The following SLC25A12 variants were observed in gnomAD, a reference collection of about 807,000 sequenced individuals.
SLC25A12 encodes the protein electrogenic aspartate/glutamate antiporter SLC25A12, mitochondrial.
Under a neutral mutation model 83.3 loss-of-function variants are expected in SLC25A12, and 32 were observed. That is an observed-to-expected ratio of 0.38 (90% CI 0.29 to 0.52). The LOEUF is 0.52. SLC25A12 is among the 20% of genes least tolerant of loss of function. SLC25A12 has a pLI of 0.84. For synonymous variants in SLC25A12, 267 were observed against 291.1 expected, an observed-to-expected ratio of 0.92 and a Z score of 0.84; for missense variants, 611 against 835.6, an observed-to-expected ratio of 0.73 and a Z score of 3.31.
chr2:171,854,428 A>G (rs1032879098), intron 4 of SLC25A12, among the ~76,000 whole-genome samples: 1 of 152,062 alleles, frequency 6.6e-6, no homozygotes, highest in African/African-American at 2.4e-5. Flanking sequence ...TTAGCTGGGC[A>G]TGGTGGCGCA....
intron 6 of SLC25A12, 151 bp downstream of exon 6, chr2:171,836,970 A>G: frequency 2.8e-6 from 2 of 705,054 alleles, no homozygotes; most frequent in Non-Finnish European, 4.9e-6. Flanking sequence ...GCACACACAC[A>G]CACACACACA....
chr2:171,794,639 T>C (rs1350044114), intron 13 of SLC25A12, among the ~76,000 whole-genome samples: 1 of 151,824 alleles, frequency 6.6e-6, no homozygotes, highest in African/African-American at 2.4e-5. Context: ...TTTTTTTTGG[T>C]TTCTGTAAGA....
At chr2:171,817,601 A>AAAAAAAAAAC (rs1684081511) in intron 9 of SLC25A12, among the ~76,000 whole-genome samples, 1 of 21,626 alleles carries the variant, frequency 4.6e-5, no homozygotes, top group Non-Finnish European at 1.8e-4. Context: ...ACTCTGCCTC[A>AAAAAAAAAAC]AAAAAAAAAA....
At chr2:171,790,913 A>G (rs1683438268) in intron 15 of SLC25A12, among the ~76,000 whole-genome samples, 1 of 152,134 alleles carries the variant, frequency 6.6e-6, no homozygotes, top group Admixed American at 6.5e-5. Context: ...AAATACAAAA[A>G]TTGAGTTCAA....
intron 11 of SLC25A12, among the ~76,000 whole-genome samples, chr2:171,811,791 C>T (rs1683950047): frequency 6.6e-6 from 1 of 152,004 alleles, no homozygotes; most frequent in Admixed American, 6.5e-5. Flanking sequence ...CTTCTGTAAG[C>T]ATCTATCCAT....
chr2:171,787,182 G>T (rs902605759), intron 17 of SLC25A12, among the ~76,000 whole-genome samples: 9 of 152,032 alleles, frequency 5.9e-5, no homozygotes, highest in Non-Finnish European at 1.5e-5. Flanking sequence ...AAAATTAGCT[G>T]GGTGTGGTGG....
chr2:171,833,980 G>A lies in SLC25A12; in HGVS notation c.828C>T (p.Asp276=). 2 of 1,587,706 alleles carry A rather than the reference G, an allele frequency of 1.3e-6. No individual in the cohort carries two copies. Among genetic ancestry groups the A allele is most frequent in the Non-Finnish European group, 1.7e-6 (2 of 1,156,248 alleles). ...ATACTTACCCTGAAGCATTATATAA[G>A]TCTGCAAGCTGATATAGAATATCAA... ...LEIDILYQLA[D]LYNASGRLTL... Residue 276 remains aspartate (D), a synonymous_variant, in exon 8 of 18, where the codon GAC becomes GAT. Coordinates refer to ENST00000422440, the MANE Select transcript of SLC25A12 (RefSeq NM_003705.5).
intron 13 of SLC25A12, among the ~76,000 whole-genome samples, chr2:171,801,043 C>T (rs78013968): frequency 1.3e-5 from 2 of 152,168 alleles, no homozygotes; most frequent in African/African-American, 2.4e-5. Context: ...ACTGTCAAAA[C>T]TCATTGAGCT....
intron 1 of SLC25A12, among the ~76,000 whole-genome samples, 166 bp downstream of exon 1, chr2:171,894,037 C>A (rs1685998151): frequency 6.6e-6 from 1 of 152,170 alleles, no homozygotes. Context: ...GGCATCCCCT[C>A]CTCCGGTCCA....
In SLC25A12 at chr2:171,813,472, A is replaced by C; in HGVS notation, c.1038T>G (p.Pro346=). The C allele has an allele frequency of 6.2e-7, 1 of 1,614,090 alleles. No individual in the cohort carries two copies. The highest frequency in any genetic ancestry group is 8.5e-7 in the Non-Finnish European group (1 of 1,179,952). The change falls in exon 11 of 18, where the codon CCT becomes CCG. Residue 346 remains proline, a synonymous_variant. Transcript: ENST00000422440. Reference sequence around the variant, plus strand: ...GCATTCGGGTCTTCACCAGATCTATAGGATACACTGCAGTGGCTCCCACAG... The same window carrying C: ...GCATTCGGGTCTTCACCAGATCTATCGGATACACTGCAGTGGCTCCCACAG... The part of the protein sequence containing the change: ...AGAVGATAVY[P]IDLVKTRMQN...
chr2:171,819,143 A>T (rs1181871354), intron 9 of SLC25A12, among the ~76,000 whole-genome samples: 3 of 138,416 alleles, frequency 2.2e-5, no homozygotes, highest in South Asian at 2.1e-4. Context: ...ATTATATATA[A>T]ATATAAAATA....
intron 2 of SLC25A12, among the ~76,000 whole-genome samples, chr2:171,887,464 T>C (rs1685843668): frequency 1.3e-5 from 2 of 152,236 alleles, no homozygotes; most frequent in Non-Finnish European, 2.9e-5. Context: ...AAGAAGCCTA[T>C]TAACTAAAAA....
At chr2:171,844,601 T>C in intron 4 of SLC25A12, 93 bp from the exon 5 acceptor site, 1 of 919,800 alleles carries the variant, frequency 1.1e-6, no homozygotes, top group Non-Finnish European at 1.7e-6. Flanking sequence ...AAGAGAAGTT[T>C]TAAAAGTCAA....
intron 11 of SLC25A12, among the ~76,000 whole-genome samples, chr2:171,811,759 T>C (rs1480425211): frequency 1.3e-5 from 2 of 152,156 alleles, no homozygotes; most frequent in Non-Finnish European, 1.5e-5. Flanking sequence ...TTAATAAACA[T>C]GACATCTCTC....
chr2:171,813,124 A>G (rs1683981626), intron 11 of SLC25A12, among the ~76,000 whole-genome samples: 1 of 152,206 alleles, frequency 6.6e-6, no homozygotes, highest in Non-Finnish European at 1.5e-5. Context: ...AATATAAACC[A>G]CAAGAAGAAG....
chr2:171,785,196 G>T lies in SLC25A12; in HGVS notation c.*78C>A. The stretch of plus-strand genomic sequence containing the variant: ...TCAGCTCAGTCAGTACCATGCAGCT[G>T]ACTGGATACATTACAGGGCTGCTCT... On this transcript the variant is annotated 3_prime_UTR_variant, in exon 18 of 18. Transcript: ENST00000422440. 2.3e-6 allele frequency: 3 copies of T among 1,316,320 alleles called. No individual in the cohort carries two copies. Among genetic ancestry groups the T allele is most frequent in the Non-Finnish European group, 3.3e-6 (3 of 912,828 alleles). The allele number at this position is 1,316,320 out of a possible 1,614,324, so 81.5% of individuals were successfully genotyped here.
At chr2:171,818,741 G>T (rs1684109727) in intron 9 of SLC25A12, among the ~76,000 whole-genome samples, 1 of 151,944 alleles carries the variant, frequency 6.6e-6, no homozygotes, top group Admixed American at 6.6e-5. Flanking sequence ...ATTAGATAAG[G>T]CAAGATTATG....
chr2:171,799,913 T>C (rs1033340805), intron 13 of SLC25A12, among the ~76,000 whole-genome samples: 1 of 152,196 alleles, frequency 6.6e-6, no homozygotes, highest in East Asian at 1.9e-4. Flanking sequence ...CAGGAGTATA[T>C]ACTCTCTGAA....
At chr2:171,827,908 GCTAT>G (rs898525045) in intron 8 of SLC25A12, among the ~76,000 whole-genome samples, 1 of 151,458 alleles carries the variant, frequency 6.6e-6, no homozygotes, top group African/African-American at 2.4e-5. Context: ...ACAGGCTAGA[GCTAT>G]CTCCATGCAG....
Sources: gnomAD v4.1 joint callset for allele counts (sites outside exome capture counted in the v4.1 genomes callset) on GRCh38, gnomAD v4.1.1 for gene constraint, MANE v1.5 for transcripts, NCBI Gene and HGNC (gene_info 2026-07-23, HGNC 2026-07-21) for gene names.